Variants in RFXANK observed in about 807,000 individuals in gnomAD.
RFXANK encodes the protein DNA-binding protein RFXANK.
RFXANK carries 19 observed loss-of-function variants against 34.5 expected under a neutral mutation model. The observed-to-expected ratio is 0.55, with a 90% CI of 0.38 to 0.81. The LOEUF (loss-of-function observed/expected upper bound fraction) is 0.81. RFXANK is among the 30% of genes least tolerant of loss of function. RFXANK has a pLI of 0.00. For missense variants in RFXANK, 295 were observed against 343.5 expected (o/e 0.86, Z 1.12); for synonymous variants, 154 against 149.8 (o/e 1.03, Z -0.20).
intron 9 of RFXANK, among the ~76,000 whole-genome samples, chr19:19,199,786 G>T (rs1192370806): frequency 6.6e-6 from 1 of 152,152 alleles, no homozygotes; most frequent in Non-Finnish European, 1.5e-5. Context: ...TTGAACAGGG[G>T]CCATAGGCAG....
chr19:19,197,046 T>TCTGCC lies in RFXANK; in HGVS notation c.271_271+1insCTGCC (p.Leu92AlafsTer17), dbSNP rs1568578781. ...GTCAGCTCTGCCGGCCACCCTAGACTGTGAGTGGGCCCACGGTCCCCAACA... is the reference window on the plus strand; with the variant it reads ...GTCAGCTCTGCCGGCCACCCTAGACTCTGCCGTGAGTGGGCCCACGGTCCCCAACA... On this transcript the variant is annotated frameshift_variant and splice_region_variant. Coordinates refer to ENST00000303088, the MANE Select transcript of RFXANK (RefSeq NM_003721.4). LOFTEE classifies it high-confidence loss of function. 1 of 1,613,418 alleles carries TCTGCC rather than the reference T, an allele frequency of 6.2e-7. No homozygotes were observed. Among genetic ancestry groups the TCTGCC allele is most frequent in the Admixed American group, 1.7e-5 (1 of 60,002 alleles).
chr19:19,198,649 C>T lies in RFXANK; in HGVS notation c.565-8C>T, dbSNP rs1477993320. On this transcript the variant is annotated splice_polypyrimidine_tract_variant and splice_region_variant and intron_variant, in intron 7 of 9. Transcript: ENST00000303088. ...ACCTTTGGTTTCTCCTGCCCCTACC[C>T]ACGACAGAATGGAGGGACGCCACTG... 6.2e-7 allele frequency: 1 copy of T among 1,613,300 alleles called. No homozygotes were observed.
intron 7 of RFXANK, 73 bp downstream of exon 7, chr19:19,198,305 C>T (rs2060637681): frequency 1.3e-6 from 2 of 1,596,988 alleles, no homozygotes; most frequent in Non-Finnish European, 1.7e-6. Flanking sequence ...TCACAGAGTA[C>T]TTGAAAGGTG....
intron 9 of RFXANK, among the ~76,000 whole-genome samples, chr19:19,200,416 T>TC (rs1442996724): frequency 1.3e-5 from 2 of 152,038 alleles, no homozygotes; most frequent in African/African-American, 4.8e-5. Flanking sequence ...GACCTTGTGA[T>TC]CCGCCTGTGT....
rs147234993 is a variant in RFXANK, at chr19:19,201,205, G to A, written c.713-444G>A. ...TCCACCTACCTTGGCCTCCCAAAGT[G>A]CTAGGATTACAGGTGTGAGCCACCA... On this transcript the variant is annotated intron_variant, in intron 9 of 9. Transcript: ENST00000303088. Among the ~76,000 whole-genome samples the A allele has an allele frequency of 6.0e-4, 91 of 152,272 alleles. 1 individual carries two copies. Among genetic ancestry groups the A allele is most frequent in the African/African-American group, 1.9e-3 (77 of 41,546 alleles).
chr19:19,201,632 T>TC lies in RFXANK; in HGVS notation c.713-14dup. On this transcript the variant is annotated splice_polypyrimidine_tract_variant and intron_variant, in intron 9 of 9. Coordinates refer to ENST00000303088, the MANE Select transcript of RFXANK (RefSeq NM_003721.4). ...CGATTCAAGCTCACAGCCCACCTTT[T>TC]CCCTGCCCCATCTCAGTGCAACAGG... is the stretch of plus-strand genomic sequence containing the variant. 1 of 1,614,022 alleles carries TC rather than the reference T, an allele frequency of 6.2e-7. No homozygotes were observed. Among genetic ancestry groups the TC allele is most frequent in the Non-Finnish European group, 8.5e-7 (1 of 1,180,038 alleles).
intron 3 of RFXANK, among the ~76,000 whole-genome samples, chr19:19,196,705 A>G (rs2146481574): frequency 6.6e-6 from 1 of 152,220 alleles, no homozygotes; most frequent in South Asian, 2.1e-4. Context: ...TCTCTACTTA[A>G]AATACAAAAA....
rs757517948 is a variant in RFXANK, at chr19:19,199,157, G to A, written c.635G>A (p.Arg212Gln). 11 of 1,613,710 alleles carry A rather than the reference G, an allele frequency of 6.8e-6. No homozygotes were observed. The Admixed American group carries it at 8.3e-5, about 12-fold the overall frequency. The change falls in exon 9 of 10, where the codon CGA becomes CAA. Residue 212 changes from arginine to glutamine, a missense_variant. By Grantham distance (43) the Arg-to-Gln change is conservative. Coordinates refer to ENST00000303088, the MANE Select transcript of RFXANK (RefSeq NM_003721.4). Reference protein sequence around the residue: ...HVKCVEALLARGADLTTEADS... With the variant: ...HVKCVEALLAQGADLTTEADS... ...CGCCCTCCCCTCTCCTTTGCAGCCCGAGGCGCTGACCTCACCACCGAAGCC... is the reference window on the plus strand; with the variant it reads ...CGCCCTCCCCTCTCCTTTGCAGCCCAAGGCGCTGACCTCACCACCGAAGCC...
At position 19,197,567 on chromosome 19, in the gene RFXANK, C is replaced by T; in HGVS notation, c.384C>T (p.Leu128=). 1 of 1,613,932 alleles carries T rather than the reference C, an allele frequency of 6.2e-7. No individual in the cohort carries two copies. The highest frequency in any genetic ancestry group is 8.5e-7 in the Non-Finnish European group (1 of 1,180,026). Residue 128 remains leucine (L), a synonymous_variant, in exon 6 of 10, where the codon CTC becomes CTT. Coordinates refer to ENST00000303088, the MANE Select transcript of RFXANK (RefSeq NM_003721.4). The part of the protein sequence containing the change: ...NKPDERGFTP[L]IWASAFGEIE... ...CAGACGAGCGCGGCTTCACCCCCCT[C>T]ATCTGGGCCTCCGCCTTTGGAGAGA...
chr19:19,197,782 G>T (rs2060628034), intron 6 of RFXANK, 161 bp downstream of exon 6: 3 of 708,240 alleles, frequency 4.2e-6, no homozygotes, highest in Non-Finnish European at 7.2e-6. Flanking sequence ...GCCGAGGCGG[G>T]TGGATCACTT....
intron 3 of RFXANK, among the ~76,000 whole-genome samples, chr19:19,195,584 G>A (rs1034305113): frequency 1.3e-4 from 19 of 149,630 alleles, no homozygotes; most frequent in African/African-American, 4.2e-4. Context: ...GATTACAGGC[G>A]TGAGCCACCG....
chr19:19,195,037 GT>G (rs140863748), intron 3 of RFXANK, among the ~76,000 whole-genome samples: 13 of 115,284 alleles, frequency 1.1e-4, no homozygotes, highest in Non-Finnish European at 2.0e-4. Flanking sequence ...TCCCGCCTCC[GT>G]TTTTTTTTTC....
chr19:19,194,053 A>AC lies in RFXANK; in HGVS notation c.108dup (p.Thr37HisfsTer12), dbSNP rs767208763. 6.2e-7 allele frequency: 1 copy of AC among 1,614,094 alleles called. No individual in the cohort carries two copies. The highest frequency in any genetic ancestry group is 2.2e-5 in the East Asian group (1 of 44,882). On this transcript the variant is annotated frameshift_variant, in exon 3 of 10. Transcript: ENST00000303088. LOFTEE classifies it high-confidence loss of function. ...GGAGAGGAGGCTGCAGATGGCTCAG[A>AC]CACTGTGGTCCTCAGTCTCTTTCCC... is the stretch of plus-strand genomic sequence containing the variant.
At chr19:19,200,063 C>T (rs970375073) in intron 9 of RFXANK, among the ~76,000 whole-genome samples, 1 of 152,040 alleles carries the variant, frequency 6.6e-6, no homozygotes, top group African/African-American at 2.4e-5. Flanking sequence ...GGTGCAGGCA[C>T]AGCTTACTGC....
Position 19,198,169 on chromosome 19 carries a change from C to A in RFXANK, c.501C>A (p.Gly167=), listed in dbSNP as rs145457604. The change falls in exon 7 of 10, where the codon GGC becomes GGA. Residue 167 remains glycine (G), a synonymous_variant. Coordinates refer to ENST00000303088, the MANE Select transcript of RFXANK (RefSeq NM_003721.4). ...GCGCCCTGTCGCTGGCCAGCACAGGCGGCTACACAGACATTGTGGGGCTGC... is the reference window on the plus strand; with the variant it reads ...GCGCCCTGTCGCTGGCCAGCACAGGAGGCTACACAGACATTGTGGGGCTGC... ...RESALSLAST[G]GYTDIVGLLL... is the part of the protein sequence containing the mutation. 89 of 1,614,030 alleles carry A rather than the reference C, an allele frequency of 5.5e-5. No homozygotes were observed. Among genetic ancestry groups the A allele is most frequent in the Middle Eastern group, 1.6e-4 (1 of 6,084 alleles).
chr19:19,194,197 A>G (rs938465999), intron 3 of RFXANK, 64 bp downstream of exon 3: 13 of 1,512,346 alleles, frequency 8.6e-6, no homozygotes, highest in South Asian at 4.5e-5. Context: ...CAGGCCTCAC[A>G]TGGAACCTGT....
chr19:19,196,027 C>T (rs2060593618), intron 3 of RFXANK, among the ~76,000 whole-genome samples: 1 of 152,084 alleles, frequency 6.6e-6, no homozygotes, highest in Non-Finnish European at 1.5e-5. Context: ...CAGGCATGAG[C>T]CACTGTGCCC....
At chr19:19,194,690 A>C (rs2060567265) in intron 3 of RFXANK, among the ~76,000 whole-genome samples, 1 of 137,112 alleles carries the variant, frequency 7.3e-6, no homozygotes, top group Non-Finnish European at 1.6e-5. Flanking sequence ...CACCTGGCTA[A>C]TTTTTTTTTT....
At chr19:19,197,779 C>T (rs1262555455) in intron 6 of RFXANK, 158 bp downstream of exon 6, 20 of 709,594 alleles carry the variant, frequency 2.8e-5, no homozygotes, top group East Asian at 1.1e-4. Context: ...GAGGCCGAGG[C>T]GGGTGGATCA....
Sources: allele counts gnomAD v4.1 joint callset (sites outside exome capture counted in the v4.1 genomes callset), GRCh38; gene constraint gnomAD v4.1.1; transcripts MANE v1.5; gene names NCBI Gene and HGNC (gene_info 2026-07-23, HGNC 2026-07-21).